Variants in POC5 observed in about 807,000 individuals in gnomAD.
POC5 encodes POC5 centriolar protein, also known as centrosomal protein POC5.
In POC5, 48 loss-of-function variants were observed where a neutral mutation model predicts 62.9. The observed-to-expected ratio is 0.76, with a 90% CI of 0.61 to 0.97. The LOEUF is 0.97. Among genes scored for constraint, POC5 ranks in the 50% least tolerant of loss-of-function variants. The pLI is 0.00. For synonymous variants in POC5, 236 were observed against 228.2 expected (o/e 1.03, Z -0.31); for missense variants, 696 against 679.5 (o/e 1.02, Z -0.27).
chr5:75,712,997 G>T, intron 1 of POC5, 46 bp from the exon 2 acceptor site: 2 of 1,349,880 alleles, frequency 1.5e-6, no homozygotes, highest in Non-Finnish European at 2.1e-6. Context: ...TGATATTTAA[G>T]ATAAAATCCT....
At chr5:75,692,308 A>G in intron 7 of POC5, 88 bp downstream of exon 7, 1 of 866,730 alleles carries the variant, frequency 1.2e-6, no homozygotes, top group Non-Finnish European at 1.7e-6. Context: ...ATTTTGACTT[A>G]TTAGAAAACA....
At chr5:75,686,620 GTGTC>G (rs1362328064) in intron 9 of POC5, among the ~76,000 whole-genome samples, 1 of 152,216 alleles carries the variant, frequency 6.6e-6, no homozygotes, top group Non-Finnish European at 1.5e-5. Context: ...GAGATTCTGA[GTGTC>G]TATCTTTAGA....
intron 10 of POC5, among the ~76,000 whole-genome samples, chr5:75,682,105 A>G (rs2112085464): frequency 6.6e-6 from 1 of 152,356 alleles, no homozygotes; most frequent in South Asian, 2.1e-4. Context: ...CTGTTTTTGA[A>G]GAAGTGGATA....
At chr5:75,693,440 G>A (rs1776429861) in intron 6 of POC5, among the ~76,000 whole-genome samples, 1 of 151,896 alleles carries the variant, frequency 6.6e-6, no homozygotes, top group African/African-American at 2.4e-5. Context: ...CTAAGCTACT[G>A]GAAATATTCT....
intron 4 of POC5, among the ~76,000 whole-genome samples, chr5:75,703,519 G>A (rs906324330): frequency 2.0e-5 from 3 of 151,986 alleles, no homozygotes; most frequent in Non-Finnish European, 4.4e-5. Flanking sequence ...CCAGCTACTC[G>A]GGAAGCTGAG....
At chr5:75,685,154 A>C (rs934309551) in intron 10 of POC5, 53 bp downstream of exon 10, 1 of 1,533,806 alleles carries the variant, frequency 6.5e-7, no homozygotes, top group Non-Finnish European at 8.8e-7. Context: ...GGTGTGAGCC[A>C]CTGGGCCTGG....
At chr5:75,712,080 C>T (rs1224974252) in intron 2 of POC5, among the ~76,000 whole-genome samples, 2 of 152,178 alleles carry the variant, frequency 1.3e-5, no homozygotes, top group African/African-American at 4.8e-5. Context: ...TTCCCAATAC[C>T]TTCCCCATTT....
rs1278511528 is a variant in POC5 at position 75,690,454 on chromosome 5, T to C, written c.904A>G (p.Arg302Gly). 7 of 1,612,134 alleles carry C rather than the reference T, an allele frequency of 4.3e-6. No homozygotes were observed. In the African/African-American group the frequency reaches 8.0e-5, roughly 18 times the overall value. ...TCTTCAGCTCTTGCTTGACAAGCTC[T>C]TTCTACCACATCTTTCCACTGCTTT... is the stretch of plus-strand genomic sequence containing the variant. ...VQKQWKDVVE[R>G]ACQARAEEVC... Residue 302 changes from arginine to glycine, a missense_variant, in exon 8 of 12, where the codon AGA becomes GGA. By Grantham distance (125) the Arg-to-Gly change is moderately radical. Transcript: ENST00000428202.
At chr5:75,716,389 G>T (rs1175630225) in intron 1 of POC5, among the ~76,000 whole-genome samples, 3 of 99,410 alleles carry the variant, frequency 3.0e-5, no homozygotes, top group Non-Finnish European at 6.0e-5. Context: ...GGGGTGGGGG[G>T]GGGGGGGTGC....
intron 1 of POC5, among the ~76,000 whole-genome samples, chr5:75,715,128 C>T (rs192026956): frequency 1.5e-3 from 224 of 151,994 alleles, no homozygotes; most frequent in African/African-American, 5.2e-3. Context: ...CTAGCTAACA[C>T]GGTGAAACCC....
At chr5:75,707,551 C>A in intron 3 of POC5, 186 bp downstream of exon 3, 1 of 463,676 alleles carries the variant, frequency 2.2e-6, no homozygotes. Context: ...AAAGAAAAAT[C>A]AAGCTGTCAC....
intron 10 of POC5, among the ~76,000 whole-genome samples, chr5:75,681,205 A>T (rs533090163): frequency 6.6e-6 from 1 of 152,280 alleles, no homozygotes; most frequent in African/African-American, 2.4e-5. Flanking sequence ...TCTGAATTCC[A>T]AATCAGTTAC....
rs1776062803 is a variant in POC5 at position 75,685,421 on chromosome 5, G to T, written c.1193C>A (p.Ser398Tyr). ...YGPGVQGKEH[S>Y]AHLDPSAPPM... ...AGGAGCTGAAGGATCCAAATGAGCA[G>T]AATGTTCTTTTCCTTGAACACCAGG... Residue 398 changes from serine (S) to tyrosine (Y), a missense_variant, in exon 10 of 12, where the codon TCT (serine) becomes TAT (tyrosine). Transcript: ENST00000428202. 9 of 1,613,752 alleles carry T rather than the reference G, an allele frequency of 5.6e-6. No individual in the cohort carries two copies. The highest frequency in any genetic ancestry group is 7.6e-6 in the Non-Finnish European group (9 of 1,179,706).
rs184812710 is a variant in POC5, at chr5:75,707,403, C to T, written c.223+334G>A. ...TACCATCTTTAATTTTAGTCTTGGG[C>T]ATTTAGTTTTCAGGTTAATCCTGGC... On this transcript the variant is annotated intron_variant, in intron 3 of 11. Transcript: ENST00000428202. The T allele has an allele frequency of 1.6e-5, 3 of 185,068 alleles. No homozygotes were observed. In the East Asian group the frequency reaches 3.9e-4, roughly 24 times the overall value. 11.5% of individuals were successfully genotyped at this position (185,068 alleles called of 1,614,324 possible). A position where few individuals can be genotyped will look rare whatever the true frequency, so the allele number is the denominator to read the frequency against.
At chr5:75,695,679 A>G (rs759857196) in intron 5 of POC5, among the ~76,000 whole-genome samples, 1 of 152,106 alleles carries the variant, frequency 6.6e-6, no homozygotes, top group Non-Finnish European at 1.5e-5. Context: ...CAAAAAACAA[A>G]AAAACAAACA....
chr5:75,705,673 T>G, intron 4 of POC5, 31 bp downstream of exon 4: 2 of 1,344,304 alleles, frequency 1.5e-6, no homozygotes, highest in Non-Finnish European at 2.0e-6. Flanking sequence ...ATGTTGTATA[T>G]TAATACAAAT....
intron 5 of POC5, among the ~76,000 whole-genome samples, chr5:75,697,213 A>G (rs1364496315): frequency 1.3e-5 from 2 of 152,188 alleles, no homozygotes; most frequent in Non-Finnish European, 1.5e-5. Context: ...GAACGCCACA[A>G]AGATACTCCT....
intron 6 of POC5, among the ~76,000 whole-genome samples, chr5:75,694,107 T>C (rs1214705037): frequency 2.0e-5 from 3 of 152,032 alleles, no homozygotes; most frequent in Admixed American, 6.6e-5. Context: ...GAGTTTGAGA[T>C]TGTAGTGAGC....
intron 5 of POC5, among the ~76,000 whole-genome samples, chr5:75,700,218 C>G (rs1169509206): frequency 1.1e-4 from 17 of 151,686 alleles, no homozygotes; most frequent in Non-Finnish European, 1.9e-4. Flanking sequence ...GAAAAAACTA[C>G]TTTAAAGTTC....
Sources: gnomAD v4.1 joint callset for allele counts (sites outside exome capture counted in the v4.1 genomes callset) on GRCh38, gnomAD v4.1.1 for gene constraint, MANE v1.5 for transcripts, NCBI Gene and HGNC (gene_info 2026-07-23, HGNC 2026-07-21) for gene names.